ZNF462: variants seen among roughly 807,000 people sequenced by gnomAD.
ZNF462 encodes zinc finger PBX1-interacting protein.
In ZNF462, 10 loss-of-function variants were observed where a neutral mutation model predicts 201.9. That is an observed-to-expected ratio of 0.05 (90% confidence interval 0.03 to 0.08). The LOEUF (loss-of-function observed/expected upper bound fraction) is 0.08. ZNF462 is among the 10% of genes least tolerant of loss of function. ZNF462 has a pLI of 1.00. For synonymous variants in ZNF462, 1,227 were observed against 1,193.3 expected (o/e 1.03, Z -0.58); for missense variants, 2,523 against 3,168.3 (o/e 0.80, Z 4.89).
rs1044056126 is a variant in ZNF462 at position 106,920,025 on chromosome 9, T to A, written c.-30-3329T>A. On this transcript the variant is annotated intron_variant, in intron 1 of 12. Transcript: ENST00000277225. This position sits in a 1 kb window ranked among gnomAD's most constrained non-coding sequence, Gnocchi z 4.3. The stretch of plus-strand genomic sequence containing the variant: ...TATTATTAAATGAAGTCAATAGATA[T>A]GAGATCAAAGCTTTTAACTTAAAAT... 1.3e-5 allele frequency among the ~76,000 whole-genome samples: 2 copies of A among 152,198 alleles called. No homozygotes were observed. Among genetic ancestry groups the A allele is most frequent in the African/African-American group, 4.8e-5 (2 of 41,450 alleles).
chr9:106,930,721 G>A lies in ZNF462; in HGVS notation c.6012+32G>A, dbSNP rs200397835. On this transcript the variant is annotated intron_variant, in intron 4 of 12. Transcript: ENST00000277225. The surrounding 1 kb of genome is among the most constrained non-coding windows in gnomAD (Gnocchi z 5.8). The stretch of plus-strand genomic sequence containing the variant: ...ACTGGAAGGTCTGGATGAGCATTGT[G>A]TGTGAGCGATTCGAGTTACTTATTA... 82 of 1,610,156 alleles carry A rather than the reference G, an allele frequency of 5.1e-5. No individual in the cohort carries two copies. The African/African-American group carries it at 1.0e-3, about 20-fold the overall frequency.
chr9:107,008,018 GT>G lies in ZNF462; in HGVS notation c.7190-1526del, dbSNP rs748473245. On this transcript the variant is annotated intron_variant, in intron 11 of 12. Coordinates refer to ENST00000277225, the MANE Select transcript of ZNF462 (RefSeq NM_021224.6). This position sits in a 1 kb window ranked among gnomAD's most constrained non-coding sequence, Gnocchi z 4.8. Reference sequence around the variant, plus strand: ...CTCCCTACCTCCTTTCTAAATGCAAGTGCCGGACTGAATATGGACACGCTGC... The same window carrying G: ...CTCCCTACCTCCTTTCTAAATGCAAGGCCGGACTGAATATGGACACGCTGC... Among the ~76,000 whole-genome samples, 11 of 152,104 alleles carry G rather than the reference GT, an allele frequency of 7.2e-5. No individual in the cohort carries two copies. Among genetic ancestry groups the G allele is most frequent in the Non-Finnish European group, 1.2e-4 (8 of 68,006 alleles).
chr9:106,978,814 C>CT lies in ZNF462; in HGVS notation c.6832+4543dup, dbSNP rs1827204781. On this transcript the variant is annotated intron_variant, in intron 9 of 12. Coordinates refer to ENST00000277225, the MANE Select transcript of ZNF462 (RefSeq NM_021224.6). This position sits in a 1 kb window ranked among gnomAD's most constrained non-coding sequence, Gnocchi z 4.1. ...GTGGCAAGTCTTTTAGCTTCTGCCT[C>CT]TTACAGCTTGGCAACACAAGCCACA... 1 of 173,536 alleles carries CT rather than the reference C, an allele frequency of 5.8e-6. No individual in the cohort carries two copies. Among genetic ancestry groups the CT allele is most frequent in the Non-Finnish European group, 1.2e-5 (1 of 83,628 alleles). 10.7% of individuals were successfully genotyped at this position (173,536 alleles called of 1,614,324 possible). A position where few individuals can be genotyped will look rare whatever the true frequency, so the allele number is the denominator to read the frequency against.
intron 10 of ZNF462, among the ~76,000 whole-genome samples, chr9:106,997,644 AAATCGTAGAGAC>A (rs1828839798): frequency 6.6e-6 from 1 of 152,170 alleles, no homozygotes. Flanking sequence ...TTGCTGTAAG[AAATCGTAGAGAC>A]AATACTTTGC....
In ZNF462 at chr9:106,908,910, CATATATATATATATATAT is replaced by C. The variant is rs1192231869; in HGVS notation, c.-30-14429_-30-14412del. On this transcript the variant is annotated intron_variant, in intron 1 of 12. Transcript: ENST00000277225. ...AGTTGAGAATATTTGCCCATATATA[CATATATATATATATATAT>C]ATATATATATATATTTTTTTTTTTT... Among the ~76,000 whole-genome samples the C allele has an allele frequency of 5.2e-3, 228 of 43,998 alleles. 1 individual carries two copies. Among genetic ancestry groups the C allele is most frequent in the Non-Finnish European group, 6.6e-3 (185 of 28,026 alleles). 28.9% of individuals were successfully genotyped at this position (43,998 alleles called of 152,430 possible).
intron 1 of ZNF462, among the ~76,000 whole-genome samples, chr9:106,908,947 T>C (rs1474821773): frequency 2.8e-5 from 1 of 36,176 alleles, no homozygotes; most frequent in Non-Finnish European, 4.8e-5. Context: ...ATATATTTTT[T>C]TTTTTTTTTT....
intron 1 of ZNF462, among the ~76,000 whole-genome samples, chr9:106,908,128 C>T (rs1829352307): frequency 6.6e-6 from 1 of 151,920 alleles, no homozygotes; most frequent in Non-Finnish European, 1.5e-5. Flanking sequence ...TAAACCTCCA[C>T]GGGCACTTGA....
At chr9:106,997,895 T>A (rs556602383) in intron 10 of ZNF462, among the ~76,000 whole-genome samples, 1 of 152,168 alleles carries the variant, frequency 6.6e-6, no homozygotes, top group Non-Finnish European at 1.5e-5. Context: ...ATGTGAAATA[T>A]GAAATTCAGA....
chr9:106,896,236 A>G (rs1588017149), intron 1 of ZNF462, among the ~76,000 whole-genome samples: 1 of 152,224 alleles, frequency 6.6e-6, no homozygotes, highest in African/African-American at 2.4e-5. Context: ...GTCTAGAACC[A>G]TACTAGCTAC....
intron 7 of ZNF462, among the ~76,000 whole-genome samples, chr9:106,947,914 T>C (rs911791005): frequency 6.6e-6 from 1 of 152,206 alleles, no homozygotes; most frequent in Non-Finnish European, 1.5e-5. Flanking sequence ...TTATTACTTA[T>C]TGATATTTGG....
chr9:106,942,096 C>T (rs556882830), intron 7 of ZNF462, among the ~76,000 whole-genome samples: 8 of 152,292 alleles, frequency 5.3e-5, no homozygotes, highest in African/African-American at 1.9e-4. Context: ...TGGGGGGAGT[C>T]AAGATCCATA....
At position 106,974,888 on chromosome 9, in the gene ZNF462, C is replaced by T. The variant is rs1006528458; in HGVS notation, c.6832+615C>T. 6.5e-6 allele frequency: 1 copy of T among 153,046 alleles called. No individual in the cohort carries two copies. The highest frequency in any genetic ancestry group is 2.4e-5 in the African/African-American group (1 of 41,396). The allele number at this position is 153,046 out of a possible 1,614,324, so 9.5% of individuals were successfully genotyped here. A position where few individuals can be genotyped will look rare whatever the true frequency, so the allele number is the denominator to read the frequency against. On this transcript the variant is annotated intron_variant, in intron 9 of 12. Coordinates refer to ENST00000277225, the MANE Select transcript of ZNF462 (RefSeq NM_021224.6). The surrounding 1 kb of genome is among the most constrained non-coding windows in gnomAD (Gnocchi z 4.0). ...CATCCATTAAAAGAGATGATTGTAC[C>T]TATGAGATAATGGGTAAAGTGTCCA...
At position 106,923,898 on chromosome 9, in the gene ZNF462, T is replaced by A. The variant is rs1830083883; in HGVS notation, c.221-235T>A. 6.6e-6 allele frequency among the ~76,000 whole-genome samples: 1 copy of A among 152,198 alleles called. No individual in the cohort carries two copies. The highest frequency in any genetic ancestry group is 2.1e-4 in the South Asian group (1 of 4,826). ...GTATTTTTATAGCTGTGTGGCTCATTTATGGAGATGAGGAGAATACCTAAA... is the reference window on the plus strand; with the variant it reads ...GTATTTTTATAGCTGTGTGGCTCATATATGGAGATGAGGAGAATACCTAAA... On this transcript the variant is annotated intron_variant, in intron 2 of 12. Transcript: ENST00000277225. This position sits in a 1 kb window ranked among gnomAD's most constrained non-coding sequence, Gnocchi z 5.6.
intron 7 of ZNF462, among the ~76,000 whole-genome samples, chr9:106,958,850 G>A (rs1307351833): frequency 6.6e-6 from 1 of 152,126 alleles, no homozygotes; most frequent in Non-Finnish European, 1.5e-5. Context: ...GGAGTGTCAG[G>A]TAAGGTGGTT....
At chr9:106,953,089 C>G (rs779344900) in intron 7 of ZNF462, among the ~76,000 whole-genome samples, 18 of 152,138 alleles carry the variant, frequency 1.2e-4, no homozygotes, top group Non-Finnish European at 2.2e-4. Context: ...TGGATGTGAC[C>G]TTCTGCGATC....
At chr9:106,916,810 A>G (rs374990690) in intron 1 of ZNF462, among the ~76,000 whole-genome samples, 9 of 152,272 alleles carry the variant, frequency 5.9e-5, no homozygotes, top group South Asian at 4.1e-4. Flanking sequence ...AGTCGTCTTC[A>G]TTTTGTTTTG....
rs1439317736 is a variant in ZNF462 at position 106,923,247 on chromosome 9, T to A, written c.-30-107T>A. On this transcript the variant is annotated intron_variant, in intron 1 of 12. Transcript: ENST00000277225. The surrounding 1 kb of genome is among the most constrained non-coding windows in gnomAD (Gnocchi z 5.6). The stretch of plus-strand genomic sequence containing the variant: ...AACTGGCAAAGTCCAATAAGAGAAA[T>A]CTACTGATACTGGAATTTTTTCCCA... 1 of 773,244 alleles carries A rather than the reference T, an allele frequency of 1.3e-6. No homozygotes were observed. 47.9% of individuals were successfully genotyped at this position (773,244 alleles called of 1,614,324 possible). A position where few individuals can be genotyped will look rare whatever the true frequency, so the allele number is the denominator to read the frequency against.
At chr9:106,989,882 A>T (rs1378089821) in intron 10 of ZNF462, among the ~76,000 whole-genome samples, 1 of 152,046 alleles carries the variant, frequency 6.6e-6, no homozygotes, top group African/African-American at 2.4e-5. Context: ...TGTCAGTTGT[A>T]ATATCTGCCA....
Position 107,008,976 on chromosome 9 carries a change from C to A in ZNF462, c.7190-569C>A, listed in dbSNP as rs923439958. Among the ~76,000 whole-genome samples, 1 of 152,180 alleles carries A rather than the reference C, an allele frequency of 6.6e-6. No individual in the cohort carries two copies. Among genetic ancestry groups the A allele is most frequent in the Non-Finnish European group, 1.5e-5 (1 of 68,034 alleles). On this transcript the variant is annotated intron_variant, in intron 11 of 12. Transcript: ENST00000277225. The surrounding 1 kb of genome is among the most constrained non-coding windows in gnomAD (Gnocchi z 4.8). ...AGATTCTTCGCTTGCAGATCTCATT[C>A]AGTGCACATAACCGCCCTGTAAGGT...
Sources: gnomAD v4.1 joint callset for allele counts (sites outside exome capture counted in the v4.1 genomes callset) on GRCh38, gnomAD v4.1.1 for gene constraint, Gnocchi (gnomAD v3.1) non-coding constraint, MANE v1.5 for transcripts, NCBI Gene and HGNC (gene_info 2026-07-23, HGNC 2026-07-21) for gene names.